The following PRRC2B variants were observed in gnomAD, a reference collection of about 807,000 sequenced individuals.
The protein encoded by PRRC2B is protein PRRC2B.
PRRC2B carries 68 observed loss-of-function variants against 242.3 expected under a neutral mutation model. That is an observed-to-expected ratio of 0.28 (90% confidence interval 0.23 to 0.34). PRRC2B has a LOEUF of 0.34. Among genes scored for constraint, PRRC2B ranks in the 10% least tolerant of loss-of-function variants. PRRC2B has a pLI of 1.00. For synonymous variants in PRRC2B, 1,228 were observed against 1,173.6 expected (o/e 1.05, Z -0.95); for missense variants, 2,835 against 2,954.8 (o/e 0.96, Z 0.94).
chr9:131,401,190 A>G (rs1187141471), intron 1 of PRRC2B, among the ~76,000 whole-genome samples: 1 of 152,034 alleles, frequency 6.6e-6, no homozygotes, highest in Non-Finnish European at 1.5e-5. Flanking sequence ...GTGGTGAAGT[A>G]TACATAACAT....
intron 14 of PRRC2B, among the ~76,000 whole-genome samples, chr9:131,472,807 C>T (rs1943583065): frequency 6.6e-6 from 1 of 152,110 alleles, no homozygotes; most frequent in Non-Finnish European, 1.5e-5. Context: ...TTAGATATTC[C>T]AACTATGATA....
chr9:131,486,042 G>A (rs1400870570), intron 25 of PRRC2B, 43 bp from the exon 26 acceptor site: 6 of 1,315,848 alleles, frequency 4.6e-6, no homozygotes, highest in Non-Finnish European at 6.5e-6. Context: ...GAAGTAGTGA[G>A]GCTTGATCCT....
intron 9 of PRRC2B, among the ~76,000 whole-genome samples, chr9:131,452,085 ATTGG>A (rs1942938870): frequency 2.8e-4 from 1 of 3,578 alleles, no homozygotes; most frequent in Non-Finnish European, 2.6e-3. Context: ...AAAGAATAAG[ATTGG>A]TATTTTTGTA....
intron 2 of PRRC2B, among the ~76,000 whole-genome samples, chr9:131,430,684 C>G (rs769702112): frequency 6.6e-6 from 1 of 151,648 alleles, no homozygotes; most frequent in African/African-American, 2.4e-5. Context: ...CCTCCACCTT[C>G]TGGGCTCAAG....
At chr9:131,415,437 G>C (rs146306956) in intron 1 of PRRC2B, among the ~76,000 whole-genome samples, 5 of 152,228 alleles carry the variant, frequency 3.3e-5, no homozygotes, top group Non-Finnish European at 7.3e-5. Flanking sequence ...CCCTGGGGCT[G>C]GGGCTGGGTC....
chr9:131,466,968 A>G (rs1168090875), intron 12 of PRRC2B, among the ~76,000 whole-genome samples: 1 of 151,586 alleles, frequency 6.6e-6, no homozygotes, highest in Non-Finnish European at 1.5e-5. Flanking sequence ...CGCCTGGCTG[A>G]TTTTTTGTAT....
chr9:131,395,725 A>G (rs1014480736), intron 1 of PRRC2B, among the ~76,000 whole-genome samples: 1 of 152,216 alleles, frequency 6.6e-6, no homozygotes, highest in Non-Finnish European at 1.5e-5. Flanking sequence ...AGGCATGGAC[A>G]ATACAGAAGG....
At position 131,479,383 on chromosome 9, in the gene PRRC2B, C is replaced by T. The variant is rs749947151; in HGVS notation, c.4890C>T (p.Ser1630=). Residue 1630 remains serine (S), a synonymous_variant, in exon 19 of 32, where the codon AGC becomes AGT. Transcript: ENST00000683519. ...GSSLGTEIWE[S]SSQALPVQAP... ...GCCTGGGCACTGAGATCTGGGAGAG[C>T]AGCAGCCAGGGTGAGAGTTGGGGGT... is the stretch of plus-strand genomic sequence containing the variant. 1.2e-6 allele frequency: 2 copies of T among 1,613,450 alleles called. No homozygotes were observed. Among genetic ancestry groups the T allele is most frequent in the Non-Finnish European group, 1.7e-6 (2 of 1,179,686 alleles).
chr9:131,471,110 T>C, intron 14 of PRRC2B, 127 bp downstream of exon 14: 2 of 602,870 alleles, frequency 3.3e-6, no homozygotes, highest in Non-Finnish European at 5.7e-6. Flanking sequence ...ACACAACTGG[T>C]CTGAGTTTCA....
At chr9:131,481,472 T>A (rs577919202) in intron 19 of PRRC2B, among the ~76,000 whole-genome samples, 33 of 152,200 alleles carry the variant, frequency 2.2e-4, no homozygotes, top group Admixed American at 1.8e-3. Context: ...CTGCTCACTC[T>A]CTCCTGTAAT....
At chr9:131,478,642 G>GGGGGGGGGGGGCCC in intron 18 of PRRC2B, 23 bp downstream of exon 18, 1 of 482,032 alleles carries the variant, frequency 2.1e-6, no homozygotes. Context: ...GGGTGGGGGG[G>GGGGGGGGGGGGCCC]CATGGGGCTG....
At chr9:131,441,321 A>G (rs1838564724) in intron 5 of PRRC2B, among the ~76,000 whole-genome samples, 1 of 152,192 alleles carries the variant, frequency 6.6e-6, no homozygotes, top group Admixed American at 6.5e-5. Flanking sequence ...CATGGTGTTC[A>G]CTTCTGAACC....
At chr9:131,478,708 C>T (rs1039991881) in intron 18 of PRRC2B, 89 bp downstream of exon 18, 11 of 902,122 alleles carry the variant, frequency 1.2e-5, no homozygotes, top group African/African-American at 8.3e-5. Context: ...AGGGAGTTCT[C>T]GGTCAAGCTC....
At chr9:131,374,977 A>C (rs968511294) in intron 1 of PRRC2B, among the ~76,000 whole-genome samples, 4 of 152,172 alleles carry the variant, frequency 2.6e-5, no homozygotes, top group African/African-American at 9.6e-5. Context: ...GTTTGTAGAG[A>C]GGCAGAAGCT....
At position 131,446,735 on chromosome 9, in the gene PRRC2B, C is replaced by T. The variant is rs1178573241; in HGVS notation, c.855+93C>T. Reference sequence around the variant, plus strand: ...GGTTGAATGTCCCCCTTGGGGTCTCCTCTTGGCCCTGTTACCCTACTTCTG... The same window carrying T: ...GGTTGAATGTCCCCCTTGGGGTCTCTTCTTGGCCCTGTTACCCTACTTCTG... On this transcript the variant is annotated intron_variant, in intron 7 of 31. Transcript: ENST00000683519. The surrounding 1 kb of genome is among the most constrained non-coding windows in gnomAD (Gnocchi z 4.1). 7.0e-7 allele frequency: 1 copy of T among 1,422,930 alleles called. No homozygotes were observed. The highest frequency in any genetic ancestry group is 2.3e-5 in the East Asian group (1 of 43,602). The allele number at this position is 1,422,930 out of a possible 1,614,324, so 88.1% of individuals were successfully genotyped here. A position where few individuals can be genotyped will look rare whatever the true frequency, so the allele number is the denominator to read the frequency against.
chr9:131,492,758 G>A (rs960699453), intron 30 of PRRC2B, among the ~76,000 whole-genome samples: 5 of 152,064 alleles, frequency 3.3e-5, no homozygotes, highest in African/African-American at 1.2e-4. Context: ...TGCTTCCTTT[G>A]TGTCTGTCTC....
chr9:131,399,789 C>T (rs185416752), intron 1 of PRRC2B, among the ~76,000 whole-genome samples: 4 of 152,106 alleles, frequency 2.6e-5, no homozygotes, highest in East Asian at 3.9e-4. Flanking sequence ...TAGTGTATTC[C>T]TCTACGTTAT....
chr9:131,385,716 C>T (rs940921424), intron 1 of PRRC2B, among the ~76,000 whole-genome samples: 7 of 150,326 alleles, frequency 4.7e-5, no homozygotes, highest in Admixed American at 2.8e-4. Flanking sequence ...TTTTTTGAGG[C>T]GGAGTCTCGC....
chr9:131,410,838 T>C (rs1837489608), intron 1 of PRRC2B, among the ~76,000 whole-genome samples: 1 of 152,232 alleles, frequency 6.6e-6, no homozygotes, highest in Admixed American at 6.5e-5. Flanking sequence ...TTTTCTTCAT[T>C]GTTTCTGCTT....
Sources: allele counts gnomAD v4.1 joint callset (sites outside exome capture counted in the v4.1 genomes callset), GRCh38; gene constraint gnomAD v4.1.1; non-coding constraint Gnocchi (gnomAD v3.1); transcripts MANE v1.5; gene names NCBI Gene and HGNC (gene_info 2026-07-23, HGNC 2026-07-21).